CCDC9B: variants seen among roughly 807,000 people sequenced by gnomAD.
CCDC9B encodes coiled-coil domain-containing protein 9B.
Under a neutral mutation model 47.2 loss-of-function variants are expected in CCDC9B, and 40 were observed. The observed-to-expected ratio is 0.85, with a 90% CI of 0.66 to 1.10. The LOEUF is 1.10. CCDC9B is among the 50% of genes least tolerant of loss of function. CCDC9B has a pLI of 0.00. For synonymous variants in CCDC9B, 238 were observed against 250.7 expected, an observed-to-expected ratio of 0.95 and a Z score of 0.48; for missense variants, 662 against 651.0, an observed-to-expected ratio of 1.02 and a Z score of -0.18.
rs866551607 is a variant in CCDC9B, at chr15:40,335,694, G to C, written c.937C>G (p.Gln313Glu). 2 of 1,562,660 alleles carry C rather than the reference G, an allele frequency of 1.3e-6. No homozygotes were observed. The highest frequency in any genetic ancestry group is 1.7e-4 in the Middle Eastern group (1 of 5,990). Residue 313 changes from glutamine (Q) to glutamate (E), a missense_variant, in exon 11 of 11, where the codon CAA becomes GAA. Coordinates refer to ENST00000397536, the MANE Select transcript of CCDC9B (RefSeq NM_207380.3). The part of the protein sequence containing the change: ...KEELEGQEGS[Q>E]STRETPSEEE... Reference sequence around the variant, plus strand: ...TCACTGGGAGTCTCTCTGGTGCTTTGGCTTCCCTGAAACAAGAGAATAGCC... The same window carrying C: ...TCACTGGGAGTCTCTCTGGTGCTTTCGCTTCCCTGAAACAAGAGAATAGCC...
intron 1 of CCDC9B, 122 bp downstream of exon 1, chr15:40,340,686 A>G (rs1246647512): frequency 1.2e-6 from 1 of 852,600 alleles, no homozygotes; most frequent in Non-Finnish European, 1.8e-6. Flanking sequence ...TTGTGACCCT[A>G]GTCACAGCCT....
rs79645394 is a variant in CCDC9B, at chr15:40,333,890, G to A, written c.*1268C>T. 6,480 of 153,160 alleles carry A rather than the reference G, an allele frequency of 0.042. 458 individuals are homozygous for A. Among genetic ancestry groups the A allele is most frequent in the African/African-American group, 0.15 (6,087 of 41,520 alleles). 9.5% of individuals were successfully genotyped at this position (153,160 alleles called of 1,614,324 possible). On this transcript the variant is annotated 3_prime_UTR_variant, in exon 11 of 11. Coordinates refer to ENST00000397536, the MANE Select transcript of CCDC9B (RefSeq NM_207380.3). ...AAGGAGGGGGCAGAGGGGACCATGC[G>A]GTGAGGTCCACACTAGGGCTCAGGA...
In CCDC9B at chr15:40,340,870, G is replaced by C; in HGVS notation, c.-51C>G. The C allele has an allele frequency of 6.2e-7, 1 of 1,609,184 alleles. No individual in the cohort carries two copies. The highest frequency in any genetic ancestry group is 8.5e-7 in the Non-Finnish European group (1 of 1,178,616). Reference sequence around the variant, plus strand: ...CCAGAGCAGCCCCTGGGGAGCCAGAGTGGGAGGAAAGCTGGAGCCACCGGA... The same window carrying C: ...CCAGAGCAGCCCCTGGGGAGCCAGACTGGGAGGAAAGCTGGAGCCACCGGA... On this transcript the variant is annotated 5_prime_UTR_variant, in exon 1 of 11. Coordinates refer to ENST00000397536, the MANE Select transcript of CCDC9B (RefSeq NM_207380.3).
Position 40,338,735 on chromosome 15 carries a change from C to A in CCDC9B, c.387+13G>T. On this transcript the variant is annotated intron_variant, in intron 4 of 10. Transcript: ENST00000397536. ...TGCCTGCCGATGCCTGCACTCCCCA[C>A]CACCCTGCTCACCTCTGCTTTGTTC... 2 of 1,611,370 alleles carry A rather than the reference C, an allele frequency of 1.2e-6. No individual in the cohort carries two copies. Among genetic ancestry groups the A allele is most frequent in the South Asian group, 2.2e-5 (2 of 90,842 alleles).
In CCDC9B at chr15:40,336,563, C is replaced by A. The variant is rs1888963774; in HGVS notation, c.887+11G>T. The A allele has an allele frequency of 3.1e-6, 5 of 1,610,250 alleles. No individual in the cohort carries two copies. Among genetic ancestry groups the A allele is most frequent in the South Asian group, 2.2e-5 (2 of 90,932 alleles). Reference sequence around the variant, plus strand: ...ATGCCCGTCTTGATTTTGTCCCCTGCCACCTGTTACCTTCGGGCCCTGCCA... The same window carrying A: ...ATGCCCGTCTTGATTTTGTCCCCTGACACCTGTTACCTTCGGGCCCTGCCA... On this transcript the variant is annotated intron_variant, in intron 9 of 10. Transcript: ENST00000397536.
chr15:40,340,701 C>T (rs1156868576), intron 1 of CCDC9B, 107 bp downstream of exon 1: 2 of 1,062,700 alleles, frequency 1.9e-6, no homozygotes, highest in Non-Finnish European at 2.7e-6. Flanking sequence ...CAGCCTTCTT[C>T]CTCCCAGCCC....
At chr15:40,337,480 A>T in intron 6 of CCDC9B, 34 bp from the exon 7 acceptor site, 5 of 1,520,658 alleles carry the variant, frequency 3.3e-6, no homozygotes, top group Non-Finnish European at 4.4e-6. Flanking sequence ...TTGCTGGTGC[A>T]CAGAAGCTGC....
In CCDC9B at chr15:40,335,373, TC is replaced by T; in HGVS notation, c.1257del (p.Trp419Ter). 4 of 1,613,238 alleles carry T rather than the reference TC, an allele frequency of 2.5e-6. No individual in the cohort carries two copies. In the South Asian group the frequency reaches 4.4e-5, roughly 18 times the overall value. On this transcript the variant is annotated frameshift_variant, in exon 11 of 11. Coordinates refer to ENST00000397536, the MANE Select transcript of CCDC9B (RefSeq NM_207380.3). LOFTEE classifies it low-confidence loss of function (END_TRUNC). Reference sequence around the variant, plus strand: ...ACTTCCAGCTCAGCCTGGTGATTGCTCCACCCCAGGGGCTGCTGCTTAGAGC... The same window carrying T: ...ACTTCCAGCTCAGCCTGGTGATTGCTCACCCCAGGGGCTGCTGCTTAGAGC... ...PEGSKQQPLG[W>X]SNHQAELEVQ...
intron 2 of CCDC9B, 135 bp from the exon 3 acceptor site, chr15:40,339,754 C>T (rs1363021379): frequency 2.7e-6 from 4 of 1,458,978 alleles, no homozygotes; most frequent in Non-Finnish European, 3.7e-6. Context: ...TCCCCAGGAC[C>T]CTCACCAAGC....
chr15:40,332,136 A>C lies in CCDC9B; in HGVS notation c.*3022T>G, dbSNP rs1167638399. Reference sequence around the variant, plus strand: ...TTGGTTGGAGAAGAGAAAGACACCCAAAAGGAAGGCTCCCAGCCAGGCCTT... The same window carrying C: ...TTGGTTGGAGAAGAGAAAGACACCCCAAAGGAAGGCTCCCAGCCAGGCCTT... On this transcript the variant is annotated 3_prime_UTR_variant, in exon 11 of 11. Coordinates refer to ENST00000397536, the MANE Select transcript of CCDC9B (RefSeq NM_207380.3). 2 of 152,150 alleles carry C rather than the reference A, an allele frequency of 1.3e-5. No individual in the cohort carries two copies. The highest frequency in any genetic ancestry group is 2.9e-5 in the Non-Finnish European group (2 of 68,038). The allele number at this position is 152,150 out of a possible 1,614,324, so 9.4% of individuals were successfully genotyped here. A position where few individuals can be genotyped will look rare whatever the true frequency, so the allele number is the denominator to read the frequency against.
intron 1 of CCDC9B, chr15:40,340,395 G>A (rs894979836): frequency 5.2e-5 from 17 of 329,884 alleles, no homozygotes; most frequent in South Asian, 3.6e-4. Flanking sequence ...TCGGGAGGTC[G>A]AGGGGGGAGC....
chr15:40,337,423 C>G lies in CCDC9B; in HGVS notation c.707G>C (p.Arg236Thr), dbSNP rs751291719. Reference sequence around the variant, plus strand: ...GCCTGCCCTGGCCGGGCCTTCTCCCCTCAGCTGGCTGCAGTCCTGTAGCCT... The same window carrying G: ...GCCTGCCCTGGCCGGGCCTTCTCCCGTCAGCTGGCTGCAGTCCTGTAGCCT... ...KSTLQDCSQL[R>T]GEGPARAGSR... Residue 236 changes from arginine to threonine, a missense_variant, in exon 7 of 11, where the codon AGG becomes ACG. Arg to Thr is a moderately conservative substitution (Grantham distance 71, BLOSUM62 -1). Coordinates refer to ENST00000397536, the MANE Select transcript of CCDC9B (RefSeq NM_207380.3). The G allele has an allele frequency of 2.5e-6, 4 of 1,599,818 alleles. No individual in the cohort carries two copies. The highest frequency in any genetic ancestry group is 3.4e-6 in the Non-Finnish European group (4 of 1,173,034).
At position 40,335,403 on chromosome 15, in the gene CCDC9B, C is replaced by T. The variant is rs201969716; in HGVS notation, c.1228G>A (p.Glu410Lys). Residue 410 changes from glutamate to lysine, a missense_variant, in exon 11 of 11, where the codon GAG becomes AAG. By Grantham distance (56) the Glu-to-Lys change is moderately conservative. Transcript: ENST00000397536. ...GAQESPVSWP[E>K]GSKQQPLGWS... ...CCCAGGGGCTGCTGCTTAGAGCCCT[C>T]TGGCCAAGACACAGGGCTCTCCTGG... The T allele has an allele frequency of 2.0e-4, 323 of 1,612,870 alleles. No homozygotes were observed. In the Middle Eastern group the frequency reaches 4.1e-3, roughly 21 times the overall value.
Position 40,337,773 on chromosome 15 carries a change from C to A in CCDC9B, c.634G>T (p.Ala212Ser). ...DLARLARHRD[A>S]QGDWRRPWDL... ...CACGGGCGGCGCCAGTCACCCTGTG[C>A]GTCTCTGTGCCGGGCGAGGCGGGCT... Residue 212 changes from alanine to serine, a missense_variant, in exon 6 of 11, where the codon GCA becomes TCA. By Grantham distance (99) the Ala-to-Ser change is moderately conservative. Transcript: ENST00000397536. The A allele has an allele frequency of 6.2e-7, 1 of 1,609,698 alleles. No individual in the cohort carries two copies.
At chr15:40,339,478 T>C (rs201318981) in intron 3 of CCDC9B, 34 bp downstream of exon 3, 2 of 1,609,852 alleles carry the variant, frequency 1.2e-6, no homozygotes, top group Non-Finnish European at 1.7e-6. Context: ...TCCACCTCCT[T>C]GCTACGAGCC....
chr15:40,335,610 CAG>C lies in CCDC9B; in HGVS notation c.1019_1020del (p.Pro340ArgfsTer32), dbSNP rs1566907373. 9 of 1,499,730 alleles carry C rather than the reference CAG, an allele frequency of 6.0e-6. No homozygotes were observed. The highest frequency in any genetic ancestry group is 8.0e-6 in the Non-Finnish European group (9 of 1,120,300). 92.9% of individuals were successfully genotyped at this position (1,499,730 alleles called of 1,614,324 possible). The part of the protein sequence containing the change: ...GMEQGRLGSA[P>X]AASPALASPE... ...GGGGATGCCAGGGCTGGGCTGGCTG[CAG>C]GGGCGCTCCCCAGTCGGCCCTGCTC... On this transcript the variant is annotated frameshift_variant, in exon 11 of 11. Coordinates refer to ENST00000397536, the MANE Select transcript of CCDC9B (RefSeq NM_207380.3). LOFTEE classifies it low-confidence loss of function (END_TRUNC).
intron 4 of CCDC9B, 27 bp from the exon 5 acceptor site, chr15:40,338,687 A>T (rs201218759): frequency 6.2e-7 from 1 of 1,612,794 alleles, no homozygotes; most frequent in Non-Finnish European, 8.5e-7. Context: ...TGGGCAGTGC[A>T]GCAGAGCCAG....
chr15:40,340,050 G>A lies in CCDC9B; in HGVS notation c.13-35C>T, dbSNP rs200597942. 1.6e-4 allele frequency: 225 copies of A among 1,399,518 alleles called. 1 individual carries two copies. The East Asian group carries it at 4.5e-3, about 28-fold the overall frequency. 86.7% of individuals were successfully genotyped at this position (1,399,518 alleles called of 1,614,324 possible). On this transcript the variant is annotated intron_variant, in intron 1 of 10. Coordinates refer to ENST00000397536, the MANE Select transcript of CCDC9B (RefSeq NM_207380.3). ...CAGGGAACCCAAGCTCCTGACTTCC[G>A]GGTCCCCCTCTCACCAGTCCCCAGC... is the stretch of plus-strand genomic sequence containing the variant.
chr15:40,333,813 TC>T lies in CCDC9B; in HGVS notation c.*1344del, dbSNP rs1453540278. The T allele has an allele frequency of 5.6e-5, 10 of 179,764 alleles. No homozygotes were observed. The highest frequency in any genetic ancestry group is 8.6e-5 in the Non-Finnish European group (8 of 93,546). The allele number at this position is 179,764 out of a possible 1,614,324, so 11.1% of individuals were successfully genotyped here. ...AGAAATCCCAGGGTGATCTGGACTC[TC>T]CCTAGAGCCCCACAGCCTTCAGCAG... On this transcript the variant is annotated 3_prime_UTR_variant, in exon 11 of 11. Transcript: ENST00000397536.
Sources: allele counts gnomAD v4.1 joint callset, GRCh38; gene constraint gnomAD v4.1.1; transcripts MANE v1.5; gene names NCBI Gene and HGNC (gene_info 2026-07-23, HGNC 2026-07-21).